The following GATA4 variants were observed in gnomAD, a reference collection of about 807,000 sequenced individuals.
GATA4 encodes the protein transcription factor GATA-4.
A neutral mutation model predicts 37.9 loss-of-function variants in GATA4; 7 were observed. The ratio of observed to expected loss-of-function variants is 0.18; its 90% confidence interval spans 0.11 to 0.35. GATA4 has a LOEUF of 0.35. GATA4 is among the 10% of genes least tolerant of loss of function. The pLI, the probability that GATA4 is intolerant of heterozygous loss-of-function variation, is 1.00. For synonymous variants in GATA4, 372 were observed against 292.6 expected (o/e 1.27, Z -2.77); for missense variants, 647 against 653.0 (o/e 0.99, Z 0.10).
intron 1 of GATA4, among the ~76,000 whole-genome samples, chr8:11,693,562 C>CACACACACACAGAG (rs1405047773): frequency 1.4e-5 from 1 of 72,146 alleles, no homozygotes; most frequent in African/African-American, 5.1e-5. Flanking sequence ...CACACACACA[C>CACACACACACAGAG]AGAGAGAGAG....
intron 6 of GATA4, among the ~76,000 whole-genome samples, chr8:11,757,746 TC>T (rs1802673286): frequency 6.6e-6 from 1 of 152,218 alleles, no homozygotes. Context: ...CGATGGCGTC[TC>T]GGCCTCCCTG....
intron 1 of GATA4, chr8:11,692,795 C>A (rs986176817): frequency 2.0e-6 from 2 of 981,984 alleles, no homozygotes; most frequent in Non-Finnish European, 2.4e-6. Flanking sequence ...GGGGAGGAAG[C>A]GGGGCCGGCG....
At chr8:11,713,643 A>G (rs1480485757) in intron 2 of GATA4, among the ~76,000 whole-genome samples, 1 of 152,094 alleles carries the variant, frequency 6.6e-6, no homozygotes, top group Non-Finnish European at 1.5e-5. Flanking sequence ...AAAGCAAAAA[A>G]AAAAAAGAAA....
chr8:11,685,089 CATT>C (rs1310682958), intron 1 of GATA4, among the ~76,000 whole-genome samples: 2 of 152,154 alleles, frequency 1.3e-5, no homozygotes, highest in East Asian at 3.8e-4. Flanking sequence ...ACGCACCAAA[CATT>C]ATGAATTGAG....
At position 11,708,375 on chromosome 8, in the gene GATA4, C is replaced by G; in HGVS notation, c.63C>G (p.Gly21=). The change falls in exon 2 of 7, where the codon GGC becomes GGG. Residue 21 remains glycine (G), a synonymous_variant. Transcript: ENST00000532059. This position sits in a 1 kb window ranked among gnomAD's most constrained non-coding sequence, Gnocchi z 6.7. ...HGPPPGAYEA[G]GPGAFMHGAG... is the part of the protein sequence containing the mutation. ...CGCCCCCCGGTGCCTACGAGGCGGGCGGCCCCGGCGCCTTCATGCACGGCG... is the reference window on the plus strand; with the variant it reads ...CGCCCCCCGGTGCCTACGAGGCGGGGGGCCCCGGCGCCTTCATGCACGGCG... 1 of 1,555,072 alleles carries G rather than the reference C, an allele frequency of 6.4e-7. No individual in the cohort carries two copies. The highest frequency in any genetic ancestry group is 8.6e-7 in the Non-Finnish European group (1 of 1,158,078).
intron 4 of GATA4, among the ~76,000 whole-genome samples, chr8:11,751,991 A>G (rs992755997): frequency 2.0e-5 from 3 of 152,218 alleles, no homozygotes; most frequent in Admixed American, 1.3e-4. Context: ...TGAACCATTT[A>G]TTGCTGCATT....
intron 2 of GATA4, among the ~76,000 whole-genome samples, chr8:11,726,110 G>A (rs1172535424): frequency 3.3e-5 from 5 of 152,210 alleles, no homozygotes; most frequent in East Asian, 1.9e-4. Flanking sequence ...ACACATGCAC[G>A]TATTCCTTCA....
Position 11,756,271 on chromosome 8 carries a change from A to G in GATA4, c.1001-664A>G, listed in dbSNP as rs572622473. 6.5e-4 allele frequency among the ~76,000 whole-genome samples: 99 copies of G among 152,296 alleles called. 1 individual carries two copies. Among genetic ancestry groups the G allele is most frequent in the African/African-American group, 2.2e-3 (93 of 41,554 alleles). ...AAGTTCTGCTTTTGTACATTCAACC[A>G]TGGCTTATCCCTTCTGGCAGGCATA... On this transcript the variant is annotated intron_variant, in intron 5 of 6. Coordinates refer to ENST00000532059, the MANE Select transcript of GATA4 (RefSeq NM_001308093.3).
At chr8:11,757,495 T>C (rs1802654686) in intron 6 of GATA4, among the ~76,000 whole-genome samples, 2 of 152,162 alleles carry the variant, frequency 1.3e-5, no homozygotes, top group South Asian at 4.1e-4. Context: ...GGTTGCGCTG[T>C]CGGAGGCCGA....
chr8:11,692,664 C>T (rs1382828658), intron 1 of GATA4: 3 of 982,026 alleles, frequency 3.1e-6, no homozygotes, highest in South Asian at 4.8e-5. Context: ...ACCGCGGGTG[C>T]GTGCGGGGGT....
In GATA4 at chr8:11,735,544, T is replaced by C. The variant is rs538543099; in HGVS notation, c.617-13372T>C. Among the ~76,000 whole-genome samples the C allele has an allele frequency of 2.0e-5, 3 of 151,784 alleles. No homozygotes were observed. In the East Asian group the frequency reaches 5.8e-4, roughly 29 times the overall value. On this transcript the variant is annotated intron_variant, in intron 2 of 6. Coordinates refer to ENST00000532059, the MANE Select transcript of GATA4 (RefSeq NM_001308093.3). ...GATCATGGTGATGGTGGAGACTTTT[T>C]GTTTGTTTGTTTGTTTCTTTCTTTC...
At chr8:11,697,328 A>G (rs780748265) in intron 1 of GATA4, among the ~76,000 whole-genome samples, 8 of 152,228 alleles carry the variant, frequency 5.3e-5, no homozygotes, top group Non-Finnish European at 1.2e-4. Context: ...TTTAAAATCC[A>G]TTCCGTTCAG....
chr8:11,679,890 C>A (rs544044066), intron 1 of GATA4, among the ~76,000 whole-genome samples: 22 of 152,322 alleles, frequency 1.4e-4, no homozygotes, highest in African/African-American at 4.3e-4. Context: ...GTATTGTTAA[C>A]TGGCCATGAA....
chr8:11,685,188 T>G (rs1419403468), intron 1 of GATA4, among the ~76,000 whole-genome samples: 1 of 152,208 alleles, frequency 6.6e-6, no homozygotes, highest in Non-Finnish European at 1.5e-5. Flanking sequence ...ATCATTAAAT[T>G]ATGTTTTCTT....
intron 1 of GATA4, chr8:11,683,256 C>T (rs1209471415): frequency 5.5e-5 from 27 of 493,764 alleles, no homozygotes; most frequent in Non-Finnish European, 6.3e-5. Flanking sequence ...TGGCGTGCTC[C>T]ACCTGGCCCT....
intron 2 of GATA4, among the ~76,000 whole-genome samples, chr8:11,741,891 C>T (rs777109886): frequency 6.6e-6 from 1 of 152,176 alleles, no homozygotes; most frequent in Non-Finnish European, 1.5e-5. Flanking sequence ...CAGCTTTTGC[C>T]GCTGGGGAAG....
rs1286668690 is a variant in GATA4 at position 11,758,428 on chromosome 8, A to C, written c.1285A>C (p.Asn429His). 1 of 1,614,088 alleles carries C rather than the reference A, an allele frequency of 6.2e-7. No homozygotes were observed. The highest frequency in any genetic ancestry group is 1.3e-5 in the African/African-American group (1 of 74,922). The change falls in exon 7 of 7, where the codon AAC becomes CAC. Residue 429 changes from asparagine to histidine, a missense_variant. Around this residue, in one of 5 missense-constraint regions of GATA4, gnomAD observed 184 missense variants for 157.1 expected, o/e 1.17. Transcript: ENST00000532059. ...PQTSSKQDSW[N>H]SLVLADSHGD... ...GACCAGCTCCAAGCAGGACTCTTGG[A>C]ACAGCCTGGTCTTGGCCGACAGTCA...
chr8:11,695,963 A>G (rs190273540), intron 1 of GATA4, among the ~76,000 whole-genome samples: 47 of 152,328 alleles, frequency 3.1e-4, no homozygotes, highest in Non-Finnish European at 5.3e-4. Context: ...TTTCTTTTGT[A>G]TAGAAATCAC....
chr8:11,686,537 C>T (rs1306267972), intron 1 of GATA4, among the ~76,000 whole-genome samples: 1 of 152,228 alleles, frequency 6.6e-6, no homozygotes, highest in Non-Finnish European at 1.5e-5. Context: ...AAGCTCATCT[C>T]TTCCCTTCTT....
Sources: gnomAD v4.1 joint callset for allele counts (sites outside exome capture counted in the v4.1 genomes callset) on GRCh38, gnomAD v4.1.1 for gene constraint, gnomAD v4.1.1 regional missense constraint, Gnocchi (gnomAD v3.1) non-coding constraint, MANE v1.5 for transcripts, NCBI Gene and HGNC (gene_info 2026-07-23, HGNC 2026-07-21) for gene names.